CLYBL: variants seen among roughly 807,000 people sequenced by gnomAD.
The protein encoded by CLYBL is citramalyl-CoA lyase, mitochondrial.
CLYBL carries 31 observed loss-of-function variants against 38.9 expected under a neutral mutation model. That is an observed-to-expected ratio of 0.80 (90% CI 0.60 to 1.08). CLYBL has a LOEUF of 1.08. Ranked by LOEUF, CLYBL falls within the 50% of genes least tolerant of loss-of-function variation. CLYBL has a pLI of 0.00. For synonymous variants in CLYBL, 171 were observed against 158.6 expected (o/e 1.08, Z -0.59); for missense variants, 434 against 411.6 (o/e 1.05, Z -0.47).
intron 1 of CLYBL, among the ~76,000 whole-genome samples, chr13:99,683,719 G>A (rs891889837): frequency 7.3e-5 from 11 of 149,984 alleles, no homozygotes; most frequent in Non-Finnish European, 1.6e-4. Context: ...GGACCCACAT[G>A]AGTCTATTTT....
intron 1 of CLYBL, among the ~76,000 whole-genome samples, chr13:99,739,976 A>G (rs1035771147): frequency 6.0e-5 from 9 of 150,908 alleles, no homozygotes; most frequent in Middle Eastern, 3.4e-3. Flanking sequence ...CATCTTGAGG[A>G]AAAAAAAACA....
At chr13:99,811,556 G>C (rs2050342684) in intron 2 of CLYBL, among the ~76,000 whole-genome samples, 1 of 152,132 alleles carries the variant, frequency 6.6e-6, no homozygotes, top group Non-Finnish European at 1.5e-5. Context: ...GAAGCGGCTG[G>C]AGCCAGAGAA....
chr13:99,745,777 T>C (rs1232324987), intron 1 of CLYBL, among the ~76,000 whole-genome samples: 1 of 152,120 alleles, frequency 6.6e-6, no homozygotes, highest in Non-Finnish European at 1.5e-5. Flanking sequence ...GTCTGGCAAT[T>C]AGACTCAGAC....
At chr13:99,674,286 G>A (rs1017892268) in intron 1 of CLYBL, among the ~76,000 whole-genome samples, 5 of 151,270 alleles carry the variant, frequency 3.3e-5, no homozygotes, top group African/African-American at 1.2e-4. Context: ...TGAGTAGCTG[G>A]GATTACAGGC....
chr13:99,852,290 A>G (rs143250918), intron 2 of CLYBL, among the ~76,000 whole-genome samples: 69 of 152,246 alleles, frequency 4.5e-4, no homozygotes, highest in Non-Finnish European at 7.5e-4. Flanking sequence ...CCAGCCTAGA[A>G]TGCAGTGGTG....
At chr13:99,651,641 C>G (rs1002750583) in intron 1 of CLYBL, among the ~76,000 whole-genome samples, 9 of 151,064 alleles carry the variant, frequency 6.0e-5, no homozygotes, top group African/African-American at 1.9e-4. Flanking sequence ...AGTTAAGATT[C>G]TTGGTTGTGG....
At chr13:99,719,745 C>T (rs1018399564) in intron 1 of CLYBL, among the ~76,000 whole-genome samples, 2 of 151,848 alleles carry the variant, frequency 1.3e-5, no homozygotes, top group African/African-American at 2.4e-5. Flanking sequence ...TGACCTCAGA[C>T]AAGCCACCCA....
intron 1 of CLYBL, among the ~76,000 whole-genome samples, chr13:99,750,056 C>T (rs2048926571): frequency 1.3e-5 from 2 of 152,062 alleles, no homozygotes; most frequent in Admixed American, 1.3e-4. Context: ...CTTACCTTCA[C>T]TCAGTACTAC....
chr13:99,801,782 C>T (rs920853549), intron 2 of CLYBL, among the ~76,000 whole-genome samples: 12 of 152,152 alleles, frequency 7.9e-5, no homozygotes, highest in South Asian at 4.2e-4. Context: ...TTTGGGAGGC[C>T]GAGGCAGGCG....
chr13:99,617,417 C>G (rs36094711), intron 1 of CLYBL, among the ~76,000 whole-genome samples: 4,570 of 152,252 alleles, frequency 0.03, 89 homozygotes, highest in Middle Eastern at 0.051. Context: ...AAAGCATACA[C>G]TTGACTTGTC....
chr13:99,767,575 C>G (rs2049293322), intron 1 of CLYBL, among the ~76,000 whole-genome samples: 1 of 152,172 alleles, frequency 6.6e-6, no homozygotes, highest in South Asian at 2.1e-4. Context: ...TCTGGAATTC[C>G]CACAGTGTGT....
At chr13:99,613,958 C>T (rs539521277) in intron 1 of CLYBL, among the ~76,000 whole-genome samples, 12 of 152,256 alleles carry the variant, frequency 7.9e-5, no homozygotes, top group Middle Eastern at 3.4e-3. Flanking sequence ...TCCTCTCAGT[C>T]GCCTGGGACT....
At chr13:99,731,538 C>T (rs1417266042) in intron 1 of CLYBL, among the ~76,000 whole-genome samples, 1 of 150,422 alleles carries the variant, frequency 6.6e-6, no homozygotes, top group Non-Finnish European at 1.5e-5. Context: ...TGCCTCAAAG[C>T]ATTGAAATAA....
chr13:99,825,862 C>T (rs2050684774), intron 2 of CLYBL, among the ~76,000 whole-genome samples: 2 of 152,210 alleles, frequency 1.3e-5, no homozygotes, highest in African/African-American at 4.8e-5. Flanking sequence ...GATGGGTCTT[C>T]CTGCCCGCTG....
At chr13:99,873,692 T>C (rs956911502) in intron 7 of CLYBL, among the ~76,000 whole-genome samples, 3 of 146,402 alleles carry the variant, frequency 2.0e-5, no homozygotes, top group Non-Finnish European at 4.6e-5. Context: ...CATAAAGGTA[T>C]AGCTGAAGTT....
chr13:99,701,615 G>C (rs925352636), intron 1 of CLYBL, among the ~76,000 whole-genome samples: 11 of 151,844 alleles, frequency 7.2e-5, no homozygotes, highest in African/African-American at 2.2e-4. Flanking sequence ...CCGGCCTGAG[G>C]ATGTGGTTTT....
chr13:99,615,997 C>T (rs1401753447), intron 1 of CLYBL, among the ~76,000 whole-genome samples: 1 of 152,096 alleles, frequency 6.6e-6, no homozygotes, highest in Non-Finnish European at 1.5e-5. Flanking sequence ...CCACGCACAG[C>T]TAATTTTTTT....
intron 2 of CLYBL, among the ~76,000 whole-genome samples, chr13:99,801,970 A>G (rs1426852935): frequency 2.0e-5 from 3 of 152,178 alleles, no homozygotes; most frequent in African/African-American, 7.2e-5. Flanking sequence ...GAGCCAAGAT[A>G]GCACCATTGC....
chr13:99,795,881 C>T (rs1477059487), intron 2 of CLYBL, among the ~76,000 whole-genome samples: 1 of 152,112 alleles, frequency 6.6e-6, no homozygotes, highest in Non-Finnish European at 1.5e-5. Flanking sequence ...CATCTAAGCC[C>T]CCTGCCATTT....
Sources: gnomAD v4.1 joint callset for allele counts (sites outside exome capture counted in the v4.1 genomes callset) on GRCh38, gnomAD v4.1.1 for gene constraint, MANE v1.5 for transcripts, NCBI Gene and HGNC (gene_info 2026-07-23, HGNC 2026-07-21) for gene names.